Variants in NTAQ1 observed in about 807,000 individuals in gnomAD.
NTAQ1 encodes N-terminal glutamine amidase 1, also known as protein N-terminal glutamine amidohydrolase.
A neutral mutation model predicts 28.2 loss-of-function variants in NTAQ1; 21 were observed. That is an observed-to-expected ratio of 0.74 (90% CI 0.53 to 1.07). The LOEUF is 1.07. Ranked by LOEUF, NTAQ1 falls within the 50% of genes least tolerant of loss-of-function variation. The pLI, the probability that NTAQ1 is intolerant of heterozygous loss-of-function variation, is 0.00. For missense variants in NTAQ1, 264 were observed against 256.6 expected, an observed-to-expected ratio of 1.03 and a Z score of -0.20; for synonymous variants, 105 against 90.0, an observed-to-expected ratio of 1.17 and a Z score of -0.94.
At chr8:123,450,531 C>G (rs1478054964), downstream of NTAQ1, among the ~76,000 whole-genome samples, 1 of 136,212 alleles carries the variant, frequency 7.3e-6, no homozygotes, top group Non-Finnish European at 1.7e-5. Flanking sequence ...CATTTCTGCC[C>G]CTCCAAGGAG....
chr8:123,468,761 A>G (rs961044771), exon 7 of NTAQ1, among the ~76,000 whole-genome samples: 2 of 152,164 alleles, frequency 1.3e-5, no homozygotes, highest in African/African-American at 2.4e-5. Flanking sequence ...TGGTAATTCT[A>G]TTTTTAATTT....
At chr8:123,426,226 T>C (rs187994656) in intron 1 of NTAQ1, among the ~76,000 whole-genome samples, 1 of 152,220 alleles carries the variant, frequency 6.6e-6, no homozygotes, top group Non-Finnish European at 1.5e-5. Flanking sequence ...CTCTGTTTGA[T>C]GTACTACTGG....
chr8:123,418,032 C>A (rs1813413760), intron 1 of NTAQ1, among the ~76,000 whole-genome samples: 1 of 152,154 alleles, frequency 6.6e-6, no homozygotes. Flanking sequence ...TTGTTTTATT[C>A]ATTCATTCAA....
chr8:123,418,925 G>C (rs757911834), intron 1 of NTAQ1, among the ~76,000 whole-genome samples: 3 of 152,146 alleles, frequency 2.0e-5, no homozygotes, highest in African/African-American at 7.2e-5. Flanking sequence ...TAGCACCCTA[G>C]CCCTAGTTAT....
At chr8:123,460,982 T>C (rs1484230805) in intron 6 of NTAQ1, among the ~76,000 whole-genome samples, 1 of 152,210 alleles carries the variant, frequency 6.6e-6, no homozygotes, top group African/African-American at 2.4e-5. Flanking sequence ...GGAATCTTTC[T>C]TTCATGTATT....
intron 2 of NTAQ1, among the ~76,000 whole-genome samples, chr8:123,428,635 C>G (rs1288901188): frequency 1.3e-5 from 2 of 151,834 alleles, no homozygotes; most frequent in African/African-American, 4.8e-5. Context: ...GAGTCTCACT[C>G]TGTTGCCCAG....
chr8:123,428,732 C>T (rs1197300239), intron 2 of NTAQ1, among the ~76,000 whole-genome samples: 2 of 151,946 alleles, frequency 1.3e-5, no homozygotes, highest in Non-Finnish European at 2.9e-5. Flanking sequence ...TCCCAAGTAG[C>T]TGGGACTACA....
chr8:123,429,330 C>T (rs34060011), intron 2 of NTAQ1, among the ~76,000 whole-genome samples: 161 of 152,306 alleles, frequency 1.1e-3, no homozygotes, highest in Non-Finnish European at 1.7e-3. Flanking sequence ...AGAAGGATTT[C>T]GATTTCTTCC....
downstream of NTAQ1, among the ~76,000 whole-genome samples, chr8:123,473,332 G>A (rs1816060104): frequency 7.2e-6 from 1 of 138,536 alleles, no homozygotes; most frequent in Non-Finnish European, 1.5e-5. Context: ...GTCTTGCTCT[G>A]TTGCTTAGGC....
intron 1 of NTAQ1, 112 bp downstream of exon 1, chr8:123,417,044 G>A (rs936327445): frequency 3.4e-5 from 38 of 1,122,628 alleles, no homozygotes; most frequent in Non-Finnish European, 4.3e-5. Flanking sequence ...GCCTCTACCG[G>A]CGGGTTCTAC....
chr8:123,439,815 G>A (rs2130319970), intron 5 of NTAQ1, among the ~76,000 whole-genome samples: 1 of 151,714 alleles, frequency 6.6e-6, no homozygotes, highest in East Asian at 2.0e-4. Flanking sequence ...TTAGCCAGGC[G>A]TGGTGGTGCA....
At chr8:123,457,876 A>G (rs1444097530) in intron 6 of NTAQ1, among the ~76,000 whole-genome samples, 1 of 151,898 alleles carries the variant, frequency 6.6e-6, no homozygotes, top group Non-Finnish European at 1.5e-5. Context: ...TCTGCTAAAA[A>G]CACAAAATTT....
downstream of NTAQ1, among the ~76,000 whole-genome samples, chr8:123,450,243 G>A (rs1237772228): frequency 1.3e-5 from 2 of 151,530 alleles, no homozygotes; most frequent in Non-Finnish European, 2.9e-5. Flanking sequence ...AGGGGAGAGG[G>A]ATCAGCTCTG....
chr8:123,451,225 C>T (rs1815480700), downstream of NTAQ1, among the ~76,000 whole-genome samples: 1 of 152,200 alleles, frequency 6.6e-6, no homozygotes, highest in Non-Finnish European at 1.5e-5. Context: ...TAATTCTTCC[C>T]TGGTGACGTA....
rs573640228 is a variant in NTAQ1, at chr8:123,419,187, C to T, written c.83+2255C>T. Among the ~76,000 whole-genome samples the T allele has an allele frequency of 2.6e-5, 4 of 151,240 alleles. No individual in the cohort carries two copies. The East Asian group carries it at 7.8e-4, about 29-fold the overall frequency. On this transcript the variant is annotated intron_variant, in intron 1 of 5. Coordinates refer to ENST00000287387, the MANE Select transcript of NTAQ1 (RefSeq NM_018024.3). ...CATCTTGGCTCACTGCAGCCTCCAC[C>T]TCCCAGGCTCAAGCCATTCTTCTGC... is the stretch of plus-strand genomic sequence containing the variant.
chr8:123,430,962 A>G (rs1008521062), intron 3 of NTAQ1, among the ~76,000 whole-genome samples: 3 of 152,292 alleles, frequency 2.0e-5, no homozygotes, highest in African/African-American at 4.8e-5. Context: ...TCAGAGTGGC[A>G]TGGTCAGTGG....
intron 1 of NTAQ1, among the ~76,000 whole-genome samples, chr8:123,419,245 C>T (rs1279612790): frequency 2.0e-5 from 3 of 151,966 alleles, no homozygotes; most frequent in Non-Finnish European, 4.4e-5. Context: ...ACTACAGGCA[C>T]CCACCACCAT....
chr8:123,438,108 C>A, intron 5 of NTAQ1: 1 of 695,998 alleles, frequency 1.4e-6, no homozygotes. Flanking sequence ...TTTATTGTAC[C>A]ACTTGTCTCA....
At position 123,441,301 on chromosome 8, in the gene NTAQ1, T is replaced by C. The variant is rs781132469; in HGVS notation, c.509-5T>C. ...TGGACATTTTTTTTTCATATATTTT[T>C]TTAGATTCCAAAATGAACCTGAACG... On this transcript the variant is annotated splice_region_variant and splice_polypyrimidine_tract_variant and intron_variant, in intron 5 of 5. Transcript: ENST00000287387. 6.3e-7 allele frequency: 1 copy of C among 1,596,264 alleles called. No individual in the cohort carries two copies. Among genetic ancestry groups the C allele is most frequent in the Non-Finnish European group, 8.5e-7 (1 of 1,171,770 alleles).
Sources: gnomAD v4.1 joint callset for allele counts (sites outside exome capture counted in the v4.1 genomes callset) on GRCh38, gnomAD v4.1.1 for gene constraint, MANE v1.5 for transcripts, NCBI Gene and HGNC (gene_info 2026-07-23, HGNC 2026-07-21) for gene names.